Variants in FSTL5 observed in about 807,000 individuals in gnomAD.
FSTL5 encodes the protein follistatin-related protein 5.
FSTL5 carries 62 observed loss-of-function variants against 89.1 expected under a neutral mutation model. The observed-to-expected ratio is 0.70, with a 90% confidence interval of 0.57 to 0.86. The LOEUF is 0.86. Ranked by LOEUF, FSTL5 falls within the 40% of genes least tolerant of loss-of-function variation. The probability of loss-of-function intolerance (pLI) is 0.00; values close to 1 mark genes in which losing one functional copy is unlikely to be tolerated. For missense variants in FSTL5, 1,057 were observed against 1,001.6 expected, an observed-to-expected ratio of 1.06 and a Z score of -0.75; for synonymous variants, 383 against 346.2, an observed-to-expected ratio of 1.11 and a Z score of -1.18.
chr4:161,692,485 A>AGTGCTTTTACAAAAG (rs748382246), intron 6 of FSTL5, among the ~76,000 whole-genome samples: 1 of 152,066 alleles, frequency 6.6e-6, no homozygotes, highest in Admixed American at 6.6e-5. Context: ...CCTAACCCTT[A>AGTGCTTTTACAAAAG]GTGCTTTTAC....
Position 161,385,074 on chromosome 4 carries a change from C to G in FSTL5, c.*673G>C, listed in dbSNP as rs964239363. ...TTTCTATAGCATGCTGCAGATTATA[C>G]AGTAAATGTCAAGTGGAGTTTGACA... is the stretch of plus-strand genomic sequence containing the variant. On this transcript the variant is annotated 3_prime_UTR_variant, in exon 16 of 16. Coordinates refer to ENST00000306100, the MANE Select transcript of FSTL5 (RefSeq NM_020116.5). The G allele has an allele frequency of 6.6e-6, 1 of 152,212 alleles. No homozygotes were observed. The highest frequency in any genetic ancestry group is 2.4e-5 in the African/African-American group (1 of 41,420). The allele number at this position is 152,212 out of a possible 1,614,324, so 9.4% of individuals were successfully genotyped here.
At chr4:162,124,910 A>C (rs977724343) in intron 1 of FSTL5, among the ~76,000 whole-genome samples, 3 of 152,148 alleles carry the variant, frequency 2.0e-5, no homozygotes, top group Non-Finnish European at 4.4e-5. Context: ...TCACCGTGTT[A>C]GCCAGGATGG....
intron 10 of FSTL5, among the ~76,000 whole-genome samples, chr4:161,530,118 ATTTG>A (rs1472843520): frequency 7.0e-6 from 1 of 142,866 alleles, no homozygotes; most frequent in Non-Finnish European, 1.5e-5. Context: ...AGGTTAATTA[ATTTG>A]TTTATGTTAT....
chr4:161,433,712 G>T (rs972109284), intron 15 of FSTL5, among the ~76,000 whole-genome samples: 4 of 152,088 alleles, frequency 2.6e-5, no homozygotes, highest in Non-Finnish European at 5.9e-5. Context: ...CAGTAAAGTT[G>T]CAGGATAAAA....
At chr4:161,701,932 A>G (rs1383449994) in intron 6 of FSTL5, among the ~76,000 whole-genome samples, 1 of 152,096 alleles carries the variant, frequency 6.6e-6, no homozygotes, top group African/African-American at 2.4e-5. Context: ...CTACATACAA[A>G]TATGTTAATT....
chr4:161,398,998 A>G (rs532382147), intron 15 of FSTL5, among the ~76,000 whole-genome samples: 1 of 152,282 alleles, frequency 6.6e-6, no homozygotes, highest in South Asian at 2.1e-4. Flanking sequence ...ACGTTAAAAA[A>G]TGTTTATAAA....
chr4:161,806,887 G>T (rs143649159), intron 4 of FSTL5, among the ~76,000 whole-genome samples: 327 of 151,982 alleles, frequency 2.2e-3, no homozygotes, highest in African/African-American at 7.5e-3. Flanking sequence ...ATATAGATTA[G>T]ATAAATAGAC....
intron 3 of FSTL5, among the ~76,000 whole-genome samples, chr4:161,993,208 A>G (rs1578927485): frequency 6.6e-6 from 1 of 151,916 alleles, no homozygotes. Flanking sequence ...AAACATCACA[A>G]TACTGTCATC....
At chr4:161,652,087 C>T (rs1217269285) in intron 7 of FSTL5, among the ~76,000 whole-genome samples, 1 of 152,130 alleles carries the variant, frequency 6.6e-6, no homozygotes, top group African/African-American at 2.4e-5. Flanking sequence ...AAAATCCCAG[C>T]ACTTGATACC....
Position 161,386,095 on chromosome 4 carries a change from A to G in FSTL5, c.2196T>C (p.Asp732=). The change falls in exon 16 of 16, where the codon GAT becomes GAC. Residue 732 remains aspartate (D), a synonymous_variant. Coordinates refer to ENST00000306100, the MANE Select transcript of FSTL5 (RefSeq NM_020116.5). ...CAGATATGTGCAGATTTGTGTAAATATCAAAAGCCTCCTGTATTTCTCCTC... is the reference window on the plus strand; with the variant it reads ...CAGATATGTGCAGATTTGTGTAAATGTCAAAAGCCTCCTGTATTTCTCCTC... The part of the protein sequence containing the change: ...TIRGEIQEAF[D]IYTNLHISDL... 1.2e-6 allele frequency: 2 copies of G among 1,614,056 alleles called. No homozygotes were observed. The highest frequency in any genetic ancestry group is 1.7e-6 in the Non-Finnish European group (2 of 1,179,976).
chr4:161,450,661 A>G (rs1362211610), intron 15 of FSTL5, among the ~76,000 whole-genome samples: 1 of 152,068 alleles, frequency 6.6e-6, no homozygotes, highest in Non-Finnish European at 1.5e-5. Context: ...TTTGTTTATA[A>G]TTGATTTTAG....
chr4:161,655,528 C>T (rs1736485413), intron 7 of FSTL5, among the ~76,000 whole-genome samples: 1 of 152,002 alleles, frequency 6.6e-6, no homozygotes, highest in African/African-American at 2.4e-5. Context: ...GGTATTAGAA[C>T]ATTATTGGTA....
chr4:161,681,698 TTATAAC>T (rs1216960358), intron 6 of FSTL5, among the ~76,000 whole-genome samples: 4 of 152,152 alleles, frequency 2.6e-5, no homozygotes, highest in Non-Finnish European at 5.9e-5. Context: ...GGGTATATGC[TTATAAC>T]TATATTTTCC....
At chr4:161,801,260 A>G (rs1729782605) in intron 4 of FSTL5, among the ~76,000 whole-genome samples, 1 of 151,582 alleles carries the variant, frequency 6.6e-6, no homozygotes, top group Non-Finnish European at 1.5e-5. Context: ...TATATGAACT[A>G]TATTATTTCT....
chr4:161,616,836 T>C (rs1404384322), intron 7 of FSTL5, among the ~76,000 whole-genome samples: 1 of 151,202 alleles, frequency 6.6e-6, no homozygotes, highest in Non-Finnish European at 1.5e-5. Context: ...CTGCATATCC[T>C]GCACAGGTAC....
At chr4:161,777,321 T>A (rs1411232019) in intron 4 of FSTL5, among the ~76,000 whole-genome samples, 1 of 151,498 alleles carries the variant, frequency 6.6e-6, no homozygotes, top group African/African-American at 2.4e-5. Flanking sequence ...TGATTCCATA[T>A]CTTGACTATT....
At chr4:162,132,943 A>AT (rs546826473) in intron 1 of FSTL5, among the ~76,000 whole-genome samples, 57 of 151,624 alleles carry the variant, frequency 3.8e-4, no homozygotes, top group Admixed American at 2.2e-3. Context: ...TAGTAATGTA[A>AT]TTTTTTTTTC....
At chr4:161,676,231 C>A (rs1737295052) in intron 6 of FSTL5, among the ~76,000 whole-genome samples, 1 of 151,910 alleles carries the variant, frequency 6.6e-6, no homozygotes, top group Non-Finnish European at 1.5e-5. Flanking sequence ...TGGTATGATA[C>A]CTTATTTGCT....
At chr4:161,837,988 T>C (rs17041638) in intron 4 of FSTL5, among the ~76,000 whole-genome samples, 11,814 of 152,214 alleles carry the variant, frequency 0.078, 527 homozygotes, top group African/African-American at 0.12. Flanking sequence ...CTTCTATGCT[T>C]AAACAGCTGA....
Sources: gnomAD v4.1 joint callset for allele counts (sites outside exome capture counted in the v4.1 genomes callset) on GRCh38, gnomAD v4.1.1 for gene constraint, MANE v1.5 for transcripts, NCBI Gene and HGNC (gene_info 2026-07-23, HGNC 2026-07-21) for gene names.